SULF2: variants seen among roughly 807,000 people sequenced by gnomAD.
SULF2 encodes sulfatase 2.
SULF2 carries 52 observed loss-of-function variants against 107.7 expected under a neutral mutation model. The ratio of observed to expected loss-of-function variants is 0.48; its 90% CI spans 0.39 to 0.61. The LOEUF (loss-of-function observed/expected upper bound fraction) is 0.61, where lower values mean the gene tolerates loss of function less well. Ranked by LOEUF, SULF2 falls within the 20% of genes least tolerant of loss-of-function variation. The pLI is 0.00. For synonymous variants in SULF2, 460 were observed against 464.3 expected (o/e 0.99, Z 0.12); for missense variants, 993 against 1,177.3 (o/e 0.84, Z 2.29).
rs1298344888 is a variant in SULF2, at chr20:47,666,627, G to GAATCTACCCGCCTT, written c.1577-140_1577-139insAAGGCGGGTAGATT. On this transcript the variant is annotated intron_variant, in intron 11 of 20. Coordinates refer to ENST00000688720, the MANE Select transcript of SULF2 (RefSeq NM_001387048.1). The surrounding 1 kb of genome is among the most constrained non-coding windows in gnomAD (Gnocchi z 5.4). Reference sequence around the variant, plus strand: ...TTTGCCTGCGACTCGAGGGGTCGTGGAATCTACCCGCCTGCTCGCAGATCC... The same window carrying GAATCTACCCGCCTT: ...TTTGCCTGCGACTCGAGGGGTCGTGGAATCTACCCGCCTTAATCTACCCGCCTGCTCGCAGATCC... 2 of 682,104 alleles carry GAATCTACCCGCCTT rather than the reference G, an allele frequency of 2.9e-6. No homozygotes were observed. Among genetic ancestry groups the GAATCTACCCGCCTT allele is most frequent in the Non-Finnish European group, 4.9e-6 (2 of 405,410 alleles). 42.3% of individuals were successfully genotyped at this position (682,104 alleles called of 1,614,324 possible).
At chr20:47,732,041 T>G (rs896811035) in intron 3 of SULF2, among the ~76,000 whole-genome samples, 4 of 147,004 alleles carry the variant, frequency 2.7e-5, no homozygotes, top group African/African-American at 1.1e-4. Flanking sequence ...ATCGTCATCG[T>G]CATTGCTAAC....
At chr20:47,734,442 T>G (rs1204736834) in intron 3 of SULF2, among the ~76,000 whole-genome samples, 1 of 152,252 alleles carries the variant, frequency 6.6e-6, no homozygotes, top group Admixed American at 6.5e-5. Flanking sequence ...TTGAATTCAT[T>G]ATAGATTTTT....
chr20:47,746,302 G>A (rs534150764), intron 2 of SULF2, among the ~76,000 whole-genome samples: 1 of 152,366 alleles, frequency 6.6e-6, no homozygotes, highest in Non-Finnish European at 1.5e-5. Context: ...GTCAGGTACA[G>A]GTTGGAACAG....
intron 10 of SULF2, among the ~76,000 whole-genome samples, chr20:47,675,336 G>C (rs1199569894): frequency 6.6e-6 from 1 of 152,178 alleles, no homozygotes; most frequent in Non-Finnish European, 1.5e-5. Flanking sequence ...CTGCGCCTAG[G>C]ACAGTGCCTG....
At chr20:47,749,023 C>G (rs201728379) in intron 2 of SULF2, among the ~76,000 whole-genome samples, 1 of 128,212 alleles carries the variant, frequency 7.8e-6, no homozygotes, top group Non-Finnish European at 1.7e-5. Flanking sequence ...TTTTTTTTTT[C>G]TTTTTCCTGC....
intron 3 of SULF2, among the ~76,000 whole-genome samples, chr20:47,713,489 C>T (rs1401633307): frequency 6.6e-6 from 1 of 152,128 alleles, no homozygotes; most frequent in Admixed American, 6.5e-5. Context: ...TTTGCAGAGT[C>T]AGAGGACTCT....
intron 1 of SULF2, among the ~76,000 whole-genome samples, chr20:47,757,908 C>T (rs552837018): frequency 6.6e-6 from 1 of 152,250 alleles, no homozygotes; most frequent in East Asian, 1.9e-4. Flanking sequence ...AGTTCCAGCT[C>T]CCCAGCAGCG....
intron 3 of SULF2, among the ~76,000 whole-genome samples, chr20:47,717,622 G>A (rs555328060): frequency 6.6e-6 from 1 of 152,086 alleles, no homozygotes; most frequent in African/African-American, 2.4e-5. Flanking sequence ...CCAGGCAAAG[G>A]GAATTTCCAC....
intron 2 of SULF2, among the ~76,000 whole-genome samples, chr20:47,745,469 A>C (rs2090014603): frequency 1.9e-5 from 2 of 104,444 alleles, no homozygotes; most frequent in East Asian, 3.2e-4. Context: ...ACATACACAC[A>C]CACTTTTTTA....
intron 3 of SULF2, among the ~76,000 whole-genome samples, chr20:47,734,762 G>A (rs949800701): frequency 7.2e-5 from 11 of 152,164 alleles, no homozygotes; most frequent in African/African-American, 1.4e-4. Flanking sequence ...TTACAAAAAC[G>A]TAAATGTTCT....
At chr20:47,760,638 C>T (rs1004444103) in intron 1 of SULF2, among the ~76,000 whole-genome samples, 2 of 152,166 alleles carry the variant, frequency 1.3e-5, no homozygotes, top group African/African-American at 2.4e-5. Context: ...GGACCTGTAT[C>T]CTATGTCAGG....
Position 47,665,184 on chromosome 20 carries a change from T to C in SULF2, c.1997+15A>G. On this transcript the variant is annotated intron_variant, in intron 14 of 20. Transcript: ENST00000688720. The stretch of plus-strand genomic sequence containing the variant: ...AGAGTGGGGTCTTAGGGAGGTCCCT[T>C]TGCTACTGCCTCACCTGATTTTGTG... 1.3e-6 allele frequency: 2 copies of C among 1,595,242 alleles called. No individual in the cohort carries two copies. The highest frequency in any genetic ancestry group is 1.7e-6 in the Non-Finnish European group (2 of 1,162,724).
chr20:47,703,574 C>T (rs982823693), intron 3 of SULF2, among the ~76,000 whole-genome samples: 3 of 152,168 alleles, frequency 2.0e-5, no homozygotes, highest in South Asian at 2.1e-4. Context: ...CTGCCCCAAC[C>T]GGTCCAACCA....
intron 5 of SULF2, among the ~76,000 whole-genome samples, chr20:47,688,561 G>GCC (rs2088090842): frequency 2.0e-5 from 3 of 152,186 alleles, no homozygotes; most frequent in Non-Finnish European, 4.4e-5. Flanking sequence ...CCTTAGACAG[G>GCC]GCTGAGTGGC....
intron 3 of SULF2, 57 bp from the exon 4 acceptor site, chr20:47,702,727 A>G: frequency 6.3e-7 from 1 of 1,581,940 alleles, no homozygotes; most frequent in Non-Finnish European, 8.6e-7. Context: ...GATGTTTATT[A>G]AACTATTGTG....
In SULF2 at chr20:47,742,927, A is replaced by ATTTT. The variant is rs397837137; in HGVS notation, c.176-5989_176-5986dup. Among the ~76,000 whole-genome samples, 40 of 99,448 alleles carry ATTTT rather than the reference A, an allele frequency of 4.0e-4. 7 individuals are homozygous for ATTTT. Among genetic ancestry groups the ATTTT allele is most frequent in the Non-Finnish European group, 5.5e-4 (28 of 50,784 alleles). The allele number at this position is 99,448 out of a possible 152,430, so 65.2% of individuals were successfully genotyped here. A position where few individuals can be genotyped will look rare whatever the true frequency, so the allele number is the denominator to read the frequency against. On this transcript the variant is annotated intron_variant, in intron 2 of 20. Transcript: ENST00000688720. Reference sequence around the variant, plus strand: ...AGGGAGTTTCAGGATTCAAAACATGATTTTTTTTTTTTTTTTTTTTTTTTT... The same window carrying ATTTT: ...AGGGAGTTTCAGGATTCAAAACATGATTTTTTTTTTTTTTTTTTTTTTTTTTTTT...
Position 47,683,139 on chromosome 20 carries a change from G to T in SULF2, c.919C>A (p.Leu307Met). Residue 307 changes from leucine (L) to methionine (M), a missense_variant, in exon 7 of 21, where the codon CTG becomes ATG. Physicochemically the swap from Leu to Met is conservative, Grantham distance 15. Coordinates refer to ENST00000688720, the MANE Select transcript of SULF2 (RefSeq NM_001387048.1). ...IYNMLVETGE[L>M]DNTYIVYTAD... ...GTGTATACGATGTACGTGTTGTCCA[G>T]CTCGCCCGTCTCAACCAGCATGTTG... 1 of 1,609,670 alleles carries T rather than the reference G, an allele frequency of 6.2e-7. No homozygotes were observed.
At position 47,694,365 on chromosome 20, in the gene SULF2, G is replaced by A. The variant is rs537483382; in HGVS notation, c.568-4070C>T. Among the ~76,000 whole-genome samples the A allele has an allele frequency of 6.3e-4, 96 of 152,342 alleles. No individual in the cohort carries two copies. The highest frequency in any genetic ancestry group is 2.2e-3 in the African/African-American group (93 of 41,586). On this transcript the variant is annotated intron_variant, in intron 4 of 20. Coordinates refer to ENST00000688720, the MANE Select transcript of SULF2 (RefSeq NM_001387048.1). This position sits in a 1 kb window ranked among gnomAD's most constrained non-coding sequence, Gnocchi z 4.4. ...GGCAGTTGAGGGAAGGGTAGAGAAG[G>A]CCTGGGCCGGGGGAAAGGCTGAGTT...
At chr20:47,732,040 G>A (rs1038567164) in intron 3 of SULF2, among the ~76,000 whole-genome samples, 2 of 147,890 alleles carry the variant, frequency 1.4e-5, no homozygotes, top group Admixed American at 6.7e-5. Flanking sequence ...AATCGTCATC[G>A]TCATTGCTAA....
Sources: allele counts gnomAD v4.1 joint callset (sites outside exome capture counted in the v4.1 genomes callset), GRCh38; gene constraint gnomAD v4.1.1; non-coding constraint Gnocchi (gnomAD v3.1); transcripts MANE v1.5; gene names NCBI Gene and HGNC (gene_info 2026-07-23, HGNC 2026-07-21).